NUBPL: variants seen among roughly 807,000 people sequenced by gnomAD.
NUBPL encodes iron-sulfur cluster transfer protein NUBPL.
NUBPL carries 31 observed loss-of-function variants against 45.7 expected under a neutral mutation model. That is an observed-to-expected ratio of 0.68 (90% CI 0.51 to 0.92). The LOEUF (loss-of-function observed/expected upper bound fraction) is 0.92. Ranked by LOEUF, NUBPL falls within the 40% of genes least tolerant of loss-of-function variation. The pLI is 0.00. For missense variants in NUBPL, 401 were observed against 398.7 expected, an observed-to-expected ratio of 1.01 and a Z score of -0.05; for synonymous variants, 144 against 140.9, an observed-to-expected ratio of 1.02 and a Z score of -0.15.
chr14:31,598,551 G>A (rs544321557), intron 3 of NUBPL, among the ~76,000 whole-genome samples: 139 of 152,288 alleles, frequency 9.1e-4, no homozygotes, highest in African/African-American at 3.2e-3. Context: ...TTTTAATAGC[G>A]GATTTTGTTT....
At chr14:31,800,902 A>G (rs1353056248) in intron 7 of NUBPL, 1 of 152,234 alleles carries the variant, frequency 6.6e-6, no homozygotes, top group Non-Finnish European at 1.5e-5. Flanking sequence ...CAGGAAACAG[A>G]CGGCAAACCT....
At chr14:31,707,287 T>G (rs2115951) in intron 6 of NUBPL, among the ~76,000 whole-genome samples, 83,856 of 152,176 alleles carry the variant, frequency 0.55, 25,360 homozygotes, top group African/African-American at 0.82. Flanking sequence ...TGGTATTGGA[T>G]TGTTATAGGG....
chr14:31,773,432 G>A (rs1162780692), intron 6 of NUBPL, among the ~76,000 whole-genome samples: 3 of 150,250 alleles, frequency 2.0e-5, no homozygotes, highest in African/African-American at 7.6e-5. Context: ...TGGAGGGAGA[G>A]TCCAGAGATG....
Position 31,846,602 on chromosome 14 carries a change from G to A in NUBPL, c.814+11G>A, listed in dbSNP as rs1388524988. 9.9e-6 allele frequency: 16 copies of A among 1,613,002 alleles called. No individual in the cohort carries two copies. The highest frequency in any genetic ancestry group is 1.3e-5 in the African/African-American group (1 of 74,856). On this transcript the variant is annotated intron_variant, in intron 9 of 10. Coordinates refer to ENST00000281081, the MANE Select transcript of NUBPL (RefSeq NM_025152.3). Reference sequence around the variant, plus strand: ...GTCTTGAAGTTCTAGGTAAGACTGTGGGATGTTCTTTTGTAGAAGAAGTGG... The same window carrying A: ...GTCTTGAAGTTCTAGGTAAGACTGTAGGATGTTCTTTTGTAGAAGAAGTGG...
chr14:31,746,453 G>A (rs2038402247), intron 6 of NUBPL, among the ~76,000 whole-genome samples: 1 of 151,988 alleles, frequency 6.6e-6, no homozygotes, highest in Admixed American at 6.5e-5. Context: ...TGATCATATA[G>A]TTTATGTTCT....
At chr14:31,611,267 G>A (rs8022163) in intron 4 of NUBPL, among the ~76,000 whole-genome samples, 44,391 of 152,094 alleles carry the variant, frequency 0.29, 7,411 homozygotes, top group South Asian at 0.41. Flanking sequence ...GAAATTGGTA[G>A]CATTTTTATA....
chr14:31,766,511 A>T (rs908242999), intron 6 of NUBPL, among the ~76,000 whole-genome samples: 1 of 152,206 alleles, frequency 6.6e-6, no homozygotes. Context: ...AATTTCTCTG[A>T]GTGTTTAAAC....
chr14:31,700,313 G>A (rs2037302534), intron 6 of NUBPL, among the ~76,000 whole-genome samples: 1 of 152,156 alleles, frequency 6.6e-6, no homozygotes, highest in Admixed American at 6.5e-5. Context: ...TGTTAAGAGG[G>A]ATTTGTGGAA....
chr14:31,639,358 G>A (rs906352429), intron 4 of NUBPL, among the ~76,000 whole-genome samples: 2 of 152,180 alleles, frequency 1.3e-5, no homozygotes, highest in East Asian at 1.9e-4. Flanking sequence ...TCCAGACTCT[G>A]TTTGCCTGGA....
chr14:31,648,143 A>T (rs1172677097), intron 4 of NUBPL, among the ~76,000 whole-genome samples: 1 of 152,254 alleles, frequency 6.6e-6, no homozygotes, highest in Non-Finnish European at 1.5e-5. Flanking sequence ...GAACAAGATG[A>T]AAAAGAGAAG....
chr14:31,649,324 G>A (rs968675689), intron 4 of NUBPL, among the ~76,000 whole-genome samples: 8 of 152,164 alleles, frequency 5.3e-5, no homozygotes, highest in African/African-American at 1.7e-4. Context: ...CATTTGAAAG[G>A]TTTGAGAAAA....
rs113347487 is a variant in NUBPL at position 31,593,562 on chromosome 14, G to A, written c.292-5727G>A. ...AGAGTGAGGGTTTTGGTATGGGGGCGGAGGTGTCCTGGAACCAATGCCCTG... is the reference window on the plus strand; with the variant it reads ...AGAGTGAGGGTTTTGGTATGGGGGCAGAGGTGTCCTGGAACCAATGCCCTG... On this transcript the variant is annotated intron_variant, in intron 3 of 10. Transcript: ENST00000281081. Among the ~76,000 whole-genome samples, 56 of 151,110 alleles carry A rather than the reference G, an allele frequency of 3.7e-4. 1 individual carries two copies. Among genetic ancestry groups the A allele is most frequent in the African/African-American group, 1.1e-3 (47 of 41,240 alleles).
chr14:31,748,452 T>C (rs998699537), intron 6 of NUBPL, among the ~76,000 whole-genome samples: 3 of 152,228 alleles, frequency 2.0e-5, no homozygotes, highest in African/African-American at 7.2e-5. Context: ...TTAGACTGAA[T>C]ATTTGCTTTG....
chr14:31,835,516 G>A (rs1444211120), intron 8 of NUBPL, among the ~76,000 whole-genome samples: 3 of 152,152 alleles, frequency 2.0e-5, no homozygotes, highest in African/African-American at 7.2e-5. Context: ...ACTTAGCATA[G>A]CCTTAGCACA....
At chr14:31,742,603 C>G (rs758580876) in intron 6 of NUBPL, among the ~76,000 whole-genome samples, 3 of 151,996 alleles carry the variant, frequency 2.0e-5, no homozygotes, top group Non-Finnish European at 4.4e-5. Context: ...CCTAGGTTAT[C>G]TCTTTTATTT....
At chr14:31,811,593 T>C (rs1286582964) in intron 7 of NUBPL, among the ~76,000 whole-genome samples, 1 of 152,206 alleles carries the variant, frequency 6.6e-6, no homozygotes, top group Non-Finnish European at 1.5e-5. Context: ...AGTTTGTTAT[T>C]ACTGACTTTC....
intron 6 of NUBPL, among the ~76,000 whole-genome samples, chr14:31,719,197 G>T (rs1461986842): frequency 6.6e-6 from 1 of 152,116 alleles, no homozygotes; most frequent in African/African-American, 2.4e-5. Context: ...CTGCCGCCCT[G>T]CATCGCCAGA....
At chr14:31,740,808 C>G (rs1375732918) in intron 6 of NUBPL, among the ~76,000 whole-genome samples, 3 of 152,276 alleles carry the variant, frequency 2.0e-5, no homozygotes, top group East Asian at 3.9e-4. Flanking sequence ...CCTCATCCCC[C>G]CAGTCTTTTT....
intron 6 of NUBPL, among the ~76,000 whole-genome samples, chr14:31,785,023 G>C (rs1320333500): frequency 2.0e-5 from 3 of 152,086 alleles, no homozygotes; most frequent in African/African-American, 7.2e-5. Context: ...ATTTGCATCA[G>C]TTGTTTTCTC....
Sources: allele counts gnomAD v4.1 joint callset (sites outside exome capture counted in the v4.1 genomes callset), GRCh38; gene constraint gnomAD v4.1.1; transcripts MANE v1.5; gene names NCBI Gene and HGNC (gene_info 2026-07-23, HGNC 2026-07-21).